The following PCLO variants were observed in gnomAD, a reference collection of about 807,000 sequenced individuals.
PCLO encodes protein piccolo.
A neutral mutation model predicts 427.5 loss-of-function variants in PCLO; 82 were observed. The ratio of observed to expected loss-of-function variants is 0.19; its 90% CI spans 0.16 to 0.23. PCLO has a LOEUF of 0.23. Among genes scored for constraint, PCLO ranks in the 10% least tolerant of loss-of-function variants. PCLO has a pLI of 1.00. For synonymous variants in PCLO, 2,357 were observed against 2,155.4 expected (o/e 1.09, Z -2.59); for missense variants, 6,239 against 6,115.9 (o/e 1.02, Z -0.67).
intron 1 of PCLO, 120 bp from the exon 2 acceptor site, chr7:83,156,512 T>C: frequency 1.7e-6 from 1 of 600,230 alleles, no homozygotes; most frequent in Non-Finnish European, 2.8e-6. Context: ...TAAATATAAC[T>C]AGAACCCATT....
intron 9 of PCLO, among the ~76,000 whole-genome samples, chr7:82,885,188 G>A (rs1793600524): frequency 1.3e-5 from 2 of 152,264 alleles, no homozygotes; most frequent in South Asian, 2.1e-4. Flanking sequence ...AGAGGTTAGA[G>A]TGAGAGATTT....
chr7:82,816,295 G>T (rs777237902), intron 20 of PCLO, among the ~76,000 whole-genome samples: 2 of 152,060 alleles, frequency 1.3e-5, no homozygotes, highest in African/African-American at 2.4e-5. Context: ...TCAACAATTA[G>T]TGTCTTTGGC....
intron 10 of PCLO, among the ~76,000 whole-genome samples, chr7:82,855,038 G>C (rs1210160005): frequency 6.6e-6 from 1 of 152,084 alleles, no homozygotes; most frequent in Non-Finnish European, 1.5e-5. Context: ...AAAGTATTTA[G>C]AGTCAATGAC....
chr7:83,038,019 A>ATCTT (rs1788849847), intron 3 of PCLO, among the ~76,000 whole-genome samples: 3 of 47,054 alleles, frequency 6.4e-5, no homozygotes, highest in African/African-American at 3.9e-4. Context: ...ATATATATAT[A>ATCTT]TATATATATA....
At chr7:82,926,484 C>T (rs1000379656) in intron 6 of PCLO, among the ~76,000 whole-genome samples, 1 of 151,930 alleles carries the variant, frequency 6.6e-6, no homozygotes, top group Non-Finnish European at 1.5e-5. Context: ...CAAAATAGAA[C>T]ATATTTAAAA....
rs76257165 is a variant in PCLO at position 82,758,336 on chromosome 7, A to G, written c.*239T>C. ...TGTTTCACAGTTTCTCTTCACAGCC[A>G]TGGGAAATTCAAGGTCTCAGAACTC... On this transcript the variant is annotated 3_prime_UTR_variant, in exon 25 of 25. Transcript: ENST00000333891. 4,960 of 375,362 alleles carry G rather than the reference A, an allele frequency of 0.013. 218 individuals are homozygous for G. Among genetic ancestry groups the G allele is most frequent in the African/African-American group, 0.095 (4,527 of 47,624 alleles). 23.3% of individuals were successfully genotyped at this position (375,362 alleles called of 1,614,324 possible). A position where few individuals can be genotyped will look rare whatever the true frequency, so the allele number is the denominator to read the frequency against.
intron 2 of PCLO, among the ~76,000 whole-genome samples, chr7:83,143,239 T>G (rs1372890192): frequency 6.6e-6 from 1 of 150,446 alleles, no homozygotes. Flanking sequence ...TCAAGCCACA[T>G]GAGCTCCCCG....
intron 3 of PCLO, among the ~76,000 whole-genome samples, chr7:83,033,434 T>A (rs1256662116): frequency 6.6e-6 from 1 of 152,188 alleles, no homozygotes; most frequent in Non-Finnish European, 1.5e-5. Flanking sequence ...TGTCTCTACA[T>A]GTAACCTATT....
intron 3 of PCLO, among the ~76,000 whole-genome samples, chr7:83,065,609 A>G (rs1789650692): frequency 6.6e-6 from 1 of 151,992 alleles, no homozygotes; most frequent in South Asian, 2.1e-4. Flanking sequence ...TTTCAAATAA[A>G]CTTTGTTTTA....
intron 6 of PCLO, among the ~76,000 whole-genome samples, chr7:82,948,882 T>A (rs528604685): frequency 6.6e-6 from 1 of 152,338 alleles, no homozygotes; most frequent in East Asian, 1.9e-4. Flanking sequence ...GGATGGACTA[T>A]GATGATTATA....
At chr7:83,076,531 G>A (rs996851405) in intron 3 of PCLO, among the ~76,000 whole-genome samples, 7 of 151,982 alleles carry the variant, frequency 4.6e-5, no homozygotes, top group Non-Finnish European at 8.8e-5. Context: ...CCAAAGTGCC[G>A]GGATTACAGG....
chr7:82,895,827 A>C (rs1186277986), intron 9 of PCLO, among the ~76,000 whole-genome samples: 2 of 151,982 alleles, frequency 1.3e-5, no homozygotes, highest in Non-Finnish European at 2.9e-5. Context: ...TGGATGTCTT[A>C]CTGAAAAAGA....
chr7:82,951,677 A>C (rs536279653), intron 5 of PCLO, among the ~76,000 whole-genome samples, 179 bp downstream of exon 5: 1 of 152,192 alleles, frequency 6.6e-6, no homozygotes, highest in African/African-American at 2.4e-5. Context: ...GAGCAGAACA[A>C]ATTTTTTTTA....
At position 82,754,030 on chromosome 7, in the gene PCLO, T is replaced by C. The variant is rs1790268294; in HGVS notation, c.*4545A>G. On this transcript the variant is annotated 3_prime_UTR_variant, in exon 25 of 25. Transcript: ENST00000333891. The stretch of plus-strand genomic sequence containing the variant: ...TCAAAGGTGATATTTTCAGTATTTA[T>C]TAGTAAGGCTGAGGCAACAGCCTTT... 6.6e-6 allele frequency: 1 copy of C among 152,192 alleles called. No individual in the cohort carries two copies. The highest frequency in any genetic ancestry group is 1.5e-5 in the Non-Finnish European group (1 of 68,026). The allele number at this position is 152,192 out of a possible 1,614,324, so 9.4% of individuals were successfully genotyped here.
At chr7:83,046,393 G>A (rs1789104540) in intron 3 of PCLO, among the ~76,000 whole-genome samples, 3 of 152,078 alleles carry the variant, frequency 2.0e-5, no homozygotes, top group South Asian at 4.1e-4. Context: ...TTACCATGTT[G>A]TTTCAGATTG....
intron 3 of PCLO, among the ~76,000 whole-genome samples, chr7:83,112,265 T>C (rs936573377): frequency 2.6e-5 from 4 of 151,804 alleles, no homozygotes; most frequent in African/African-American, 7.3e-5. Flanking sequence ...TCCATGTTGG[T>C]CAGGCTGGTC....
In PCLO at chr7:82,950,655, C is replaced by G. The variant is rs1430283344; in HGVS notation, c.9933G>C (p.Lys3311Asn). ...AGTTATACTGGTAGATCTGCCGAAT[C>G]TTTTGCTCCTCCAGCTGCTGGTGAA... is the stretch of plus-strand genomic sequence containing the variant. Reference protein sequence around the residue: ...QQLHQQLEEQKIRQIYQYNYD... With the variant: ...QQLHQQLEEQNIRQIYQYNYD... Residue 3311 changes from lysine (K) to asparagine (N), a missense_variant, in exon 6 of 25, where the codon AAG (lysine) becomes AAC (asparagine). Transcript: ENST00000333891. 1 of 1,613,694 alleles carries G rather than the reference C, an allele frequency of 6.2e-7. No individual in the cohort carries two copies. The highest frequency in any genetic ancestry group is 8.5e-7 in the Non-Finnish European group (1 of 1,179,836).
In PCLO at chr7:82,923,643, A is replaced by G. The variant is rs114248287; in HGVS notation, c.11113-6770T>C. 6.6e-3 allele frequency among the ~76,000 whole-genome samples: 1,006 copies of G among 152,224 alleles called. 9 individuals carry two copies. The highest frequency in any genetic ancestry group is 0.023 in the African/African-American group (969 of 41,550). The stretch of plus-strand genomic sequence containing the variant: ...CAGCTCAATTTAATTTTCTTTAATT[A>G]CAATGTTGCACTCCATGTAGATAAC... On this transcript the variant is annotated intron_variant, in intron 6 of 24. Transcript: ENST00000333891.
intron 6 of PCLO, among the ~76,000 whole-genome samples, chr7:82,919,461 C>G (rs1794546598): frequency 6.6e-6 from 1 of 151,908 alleles, no homozygotes; most frequent in East Asian, 1.9e-4. Context: ...AGATCTGTTT[C>G]ATTCAAGAAA....
Sources: allele counts gnomAD v4.1 joint callset (sites outside exome capture counted in the v4.1 genomes callset), GRCh38; gene constraint gnomAD v4.1.1; transcripts MANE v1.5; gene names NCBI Gene and HGNC (gene_info 2026-07-23, HGNC 2026-07-21).